The following SLFN14 variants were observed in gnomAD, a reference collection of about 807,000 sequenced individuals.
SLFN14 encodes the protein schlafen family member 14.
In SLFN14, 47 loss-of-function variants were observed where a neutral mutation model predicts 58.6. The ratio of observed to expected loss-of-function variants is 0.80; its 90% confidence interval spans 0.64 to 1.02. The LOEUF (loss-of-function observed/expected upper bound fraction) is 1.02, where lower values mean the gene tolerates loss of function less well. Ranked by LOEUF, SLFN14 falls within the 50% of genes least tolerant of loss-of-function variation. SLFN14 has a pLI of 0.00. For missense variants in SLFN14, 967 were observed against 1,078.4 expected (o/e 0.90, Z 1.45); for synonymous variants, 390 against 387.3 (o/e 1.01, Z -0.08).
In SLFN14 at chr17:35,547,283, A is replaced by C. The variant is rs894839250; in HGVS notation, c.*956T>G. 2.0e-5 allele frequency among the ~76,000 whole-genome samples: 3 copies of C among 152,208 alleles called. No homozygotes were observed. The highest frequency in any genetic ancestry group is 4.4e-5 in the Non-Finnish European group (3 of 68,030). On this transcript the variant is annotated 3_prime_UTR_variant, in exon 6 of 6. Transcript: ENST00000674182. The stretch of plus-strand genomic sequence containing the variant: ...TAATTTGTCTAGTCCTTGTGATAGA[A>C]ATATCTTTATTTTAGAAATTATTGC...
Position 35,553,427 on chromosome 17 carries a change from G to T in SLFN14, c.1207C>A (p.Gln403Lys). The change falls in exon 5 of 6, where the codon CAA becomes AAA. Residue 403 changes from glutamine (Q) to lysine (K), a missense_variant. Physicochemically the swap from Gln to Lys is moderately conservative, Grantham distance 53 (BLOSUM62 1). Transcript: ENST00000674182. ...TTACAGAGGGATTCTGGTTTAAATT[G>T]TACCTCTTCCTGTGTCACTGAAAAT... ...HLFPVTQEEV[Q>K]FKPESLCKKL... 6.5e-7 allele frequency: 1 copy of T among 1,546,246 alleles called. No individual in the cohort carries two copies. The highest frequency in any genetic ancestry group is 8.7e-7 in the Non-Finnish European group (1 of 1,144,014).
intron 5 of SLFN14, among the ~76,000 whole-genome samples, chr17:35,552,038 A>G (rs1474165306): frequency 6.6e-6 from 1 of 152,194 alleles, no homozygotes; most frequent in Non-Finnish European, 1.5e-5. Flanking sequence ...GCAAAGCTAC[A>G]AATGGTTCTT....
chr17:35,557,894 C>A lies in SLFN14; in HGVS notation c.169G>T (p.Gly57Cys). The change falls in exon 3 of 6, where the codon GGT becomes TGT. Residue 57 changes from glycine to cysteine, a missense_variant. Transcript: ENST00000674182. ...TCAATCTCTGCTTTGATCACACCAC[C>A]TCCAGAATTTAACAGTGCACATATA... ...RAICALLNSG[G>C]GVIKAEIDDK... is the part of the protein sequence containing the mutation. The A allele has an allele frequency of 6.4e-7, 1 of 1,551,728 alleles. No individual in the cohort carries two copies. Among genetic ancestry groups the A allele is most frequent in the Non-Finnish European group, 8.7e-7 (1 of 1,147,008 alleles).
In SLFN14 at chr17:35,553,376, G is replaced by A. The variant is rs781272463; in HGVS notation, c.1258C>T (p.Leu420=). The A allele has an allele frequency of 9.7e-6, 15 of 1,551,464 alleles. No individual in the cohort carries two copies. The highest frequency in any genetic ancestry group is 1.3e-5 in the Non-Finnish European group (15 of 1,146,988). Residue 420 remains leucine, a synonymous_variant, in exon 5 of 6, where the codon CTG becomes TTG. Coordinates refer to ENST00000674182, the MANE Select transcript of SLFN14 (RefSeq NM_001129820.2). ...ATCAGGGTCTTCATTAAACCCTCCA[G>A]TTCTTTATGATCTGAGAACAGCTTC... ...CKKLFSDHKE[L]EGLMKTLIHP... is the part of the protein sequence containing the mutation.
rs142714243 is a variant in SLFN14 at position 35,548,274 on chromosome 17, G to A, written c.2704C>T (p.Leu902Phe). ...LCFASRAIKH[L>F]YLLYEKRAAY is the part of the protein sequence containing the mutation. ...GCCCTCTTTTCATAAAGCAGGTAGA[G>A]GTGTTTAATGGCTCTTGAAGCAAAG... is the stretch of plus-strand genomic sequence containing the variant. The change falls in exon 6 of 6, where the codon CTC becomes TTC. Residue 902 changes from leucine to phenylalanine, a missense_variant. Coordinates refer to ENST00000674182, the MANE Select transcript of SLFN14 (RefSeq NM_001129820.2). The A allele has an allele frequency of 2.0e-4, 316 of 1,551,680 alleles. No individual in the cohort carries two copies. In the African/African-American group the frequency reaches 3.1e-3, roughly 15 times the overall value.
intron 5 of SLFN14, among the ~76,000 whole-genome samples, chr17:35,549,806 A>T (rs947414869): frequency 2.6e-5 from 4 of 152,206 alleles, no homozygotes; most frequent in African/African-American, 4.8e-5. Flanking sequence ...TTTACTCCCT[A>T]TGCCTTGAAT....
chr17:35,558,501 T>A (rs1179913071), intron 2 of SLFN14, among the ~76,000 whole-genome samples: 2 of 151,788 alleles, frequency 1.3e-5, no homozygotes, highest in Non-Finnish European at 1.5e-5. Flanking sequence ...GTTGCAATCC[T>A]CCTGCCTGGG....
Position 35,557,785 on chromosome 17 carries a change from T to C in SLFN14, c.278A>G (p.Gln93Arg), listed in dbSNP as rs10512472. 0.19 allele frequency: 289,892 copies of C among 1,551,612 alleles called. 28,328 individuals are homozygous for C. The highest frequency in any genetic ancestry group is 0.36 in the East Asian group (14,550 of 40,922). The change falls in exon 3 of 6, where the codon CAG becomes CGG. Residue 93 changes from glutamine (Q) to arginine (R), a missense_variant. Physicochemically the swap from Gln to Arg is conservative, Grantham distance 43 (BLOSUM62 1). Coordinates refer to ENST00000674182, the MANE Select transcript of SLFN14 (RefSeq NM_001129820.2). Reference sequence around the variant, plus strand: ...CTGCTGCATGTAGTCAAGGTATTTCTGTGAACCTGAAGGAAGGAGCTTTTG... The same window carrying C: ...CTGCTGCATGTAGTCAAGGTATTTCCGTGAACCTGAAGGAAGGAGCTTTTG... ...SFQKLLPSGS[Q>R]KYLDYMQQGH... is the part of the protein sequence containing the mutation.
chr17:35,558,192 G>C (rs1206394743), intron 2 of SLFN14, 86 bp from the exon 3 acceptor site: 1 of 829,792 alleles, frequency 1.2e-6, no homozygotes, highest in Admixed American at 3.0e-5. Flanking sequence ...AATTACTGGA[G>C]ATATATTTTA....
At position 35,548,356 on chromosome 17, in the gene SLFN14, A is replaced by T; in HGVS notation, c.2622T>A (p.Thr874=). Residue 874 remains threonine, a synonymous_variant, in exon 6 of 6, where the codon ACT becomes ACA. Coordinates refer to ENST00000674182, the MANE Select transcript of SLFN14 (RefSeq NM_001129820.2). ...SIQQFSGLER[T]VVFGLSPECD... is the part of the protein sequence containing the mutation. Reference sequence around the variant, plus strand: ...ATTCTGGACTAAGCCCAAACACGACAGTCCTCTCCAGGCCTGAAAATTGCT... The same window carrying T: ...ATTCTGGACTAAGCCCAAACACGACTGTCCTCTCCAGGCCTGAAAATTGCT... The T allele has an allele frequency of 1.3e-6, 2 of 1,551,732 alleles. No homozygotes were observed. The highest frequency in any genetic ancestry group is 1.7e-6 in the Non-Finnish European group (2 of 1,146,992).
chr17:35,544,818 G>A lies in SLFN14; in HGVS notation c.*3421C>T, dbSNP rs1458765161. 6.6e-6 allele frequency among the ~76,000 whole-genome samples: 1 copy of A among 152,034 alleles called. No individual in the cohort carries two copies. Among genetic ancestry groups the A allele is most frequent in the African/African-American group, 2.4e-5 (1 of 41,392 alleles). ...GCTAGGATTACCAGCATGAGCCCCTGCGCCCAGCCTGATTTAAGAACTTTT... is the reference window on the plus strand; with the variant it reads ...GCTAGGATTACCAGCATGAGCCCCTACGCCCAGCCTGATTTAAGAACTTTT... On this transcript the variant is annotated 3_prime_UTR_variant, in exon 6 of 6. Coordinates refer to ENST00000674182, the MANE Select transcript of SLFN14 (RefSeq NM_001129820.2).
rs1037468139 is a variant in SLFN14 at position 35,545,087 on chromosome 17, T to G, written c.*3152A>C. On this transcript the variant is annotated 3_prime_UTR_variant, in exon 6 of 6. Transcript: ENST00000674182. ...TTCCTAATCTTACATTTGAATCTAA[T>G]GAACTATCATCATAGATCCTTAATT... Among the ~76,000 whole-genome samples, 4 of 152,234 alleles carry G rather than the reference T, an allele frequency of 2.6e-5. No individual in the cohort carries two copies. The highest frequency in any genetic ancestry group is 6.5e-5 in the Admixed American group (1 of 15,282).
At chr17:35,551,433 G>A (rs779412886) in intron 5 of SLFN14, among the ~76,000 whole-genome samples, 1 of 152,010 alleles carries the variant, frequency 6.6e-6, no homozygotes. Flanking sequence ...CATTCTTAGC[G>A]CCCCCTATGA....
chr17:35,554,660 A>T lies in SLFN14; in HGVS notation c.1105T>A (p.Ser369Thr). The T allele has an allele frequency of 6.7e-7, 1 of 1,496,742 alleles. No individual in the cohort carries two copies. The allele number at this position is 1,496,742 out of a possible 1,614,324, so 92.7% of individuals were successfully genotyped here. The change falls in exon 4 of 6, where the codon TCA (serine) becomes ACA (threonine). Residue 369 changes from serine to threonine, a missense_variant. Physicochemically the swap from Ser to Thr is moderately conservative, Grantham distance 58. Coordinates refer to ENST00000674182, the MANE Select transcript of SLFN14 (RefSeq NM_001129820.2). ...VTDYNSCLIS[S>T]ASSARKSPGY... The stretch of plus-strand genomic sequence containing the variant: ...GGACTTTTTCGTGCAGATGAAGCTG[A>T]TGAAATCAGGCAAGAGTTGTAGTCT...
intron 2 of SLFN14, among the ~76,000 whole-genome samples, chr17:35,558,818 A>C (rs1486876470): frequency 6.6e-6 from 1 of 152,156 alleles, no homozygotes; most frequent in Non-Finnish European, 1.5e-5. Flanking sequence ...AAGTGAGAAG[A>C]TGCTCTTATT....
At position 35,557,370 on chromosome 17, in the gene SLFN14, A is replaced by C; in HGVS notation, c.693T>G (p.Tyr231Ter). The change falls in exon 3 of 6, where the codon TAT (tyrosine) becomes TAG (stop). Residue 231 changes from tyrosine to a stop codon, truncating the protein, a stop_gained. Transcript: ENST00000674182. LOFTEE classifies it high-confidence loss of function. Reference sequence around the variant, plus strand: ...CTTGAGTGTTGGCAAATGCAGAAACATAATGAGGCAGCATTTCCTTAATCC... The same window carrying C: ...CTTGAGTGTTGGCAAATGCAGAAACCTAATGAGGCAGCATTTCCTTAATCC... ...IPRIKEMLPH[Y>*]VSAFANTQGG... 1 of 1,551,752 alleles carries C rather than the reference A, an allele frequency of 6.4e-7. No individual in the cohort carries two copies. The highest frequency in any genetic ancestry group is 8.7e-7 in the Non-Finnish European group (1 of 1,147,004).
At chr17:35,556,095 T>G (rs1218655093) in intron 3 of SLFN14, among the ~76,000 whole-genome samples, 5 of 152,132 alleles carry the variant, frequency 3.3e-5, no homozygotes, top group African/African-American at 7.2e-5. Flanking sequence ...TGGAGTGCAG[T>G]GGAGTGATCT....
chr17:35,548,619 T>G lies in SLFN14; in HGVS notation c.2359A>C (p.Thr787Pro). 1 of 1,551,766 alleles carries G rather than the reference T, an allele frequency of 6.4e-7. No homozygotes were observed. The highest frequency in any genetic ancestry group is 8.7e-7 in the Non-Finnish European group (1 of 1,147,004). Residue 787 changes from threonine (T) to proline (P), a missense_variant, in exon 6 of 6, where the codon ACT becomes CCT. Transcript: ENST00000674182. Reference protein sequence around the residue: ...QALPGVCETKTNLTTEQIANY... With the variant: ...QALPGVCETKPNLTTEQIANY... Reference sequence around the variant, plus strand: ...GCTATTTGTTCTGTTGTCAGATTAGTCTTTGTCTCACACACCCCAGGCAGA... The same window carrying G: ...GCTATTTGTTCTGTTGTCAGATTAGGCTTTGTCTCACACACCCCAGGCAGA...
Position 35,544,540 on chromosome 17 carries a change from T to TTTTG in SLFN14, c.*3698_*3699insCAAA, listed in dbSNP as rs2072521007. On this transcript the variant is annotated 3_prime_UTR_variant, in exon 6 of 6. Transcript: ENST00000674182. ...GATGATTTAAGAACTTTTTTTTTTT[T>TTTTG]TTTTTGAGACAGAGTTTCACTCTTG... Among the ~76,000 whole-genome samples, 1 of 151,866 alleles carries TTTTG rather than the reference T, an allele frequency of 6.6e-6. No homozygotes were observed. The highest frequency in any genetic ancestry group is 2.4e-5 in the African/African-American group (1 of 41,328).
Sources: allele counts gnomAD v4.1 joint callset (sites outside exome capture counted in the v4.1 genomes callset), GRCh38; gene constraint gnomAD v4.1.1; transcripts MANE v1.5; gene names NCBI Gene and HGNC (gene_info 2026-07-23, HGNC 2026-07-21).